CELA2B: variants seen among roughly 807,000 people sequenced by gnomAD.
CELA2B encodes chymotrypsin-like elastase family member 2B.
Under a neutral mutation model 36.5 loss-of-function variants are expected in CELA2B, and 27 were observed. That is an observed-to-expected ratio of 0.74 (90% CI 0.55 to 1.02). The LOEUF is 1.02. Among genes scored for constraint, CELA2B ranks in the 50% least tolerant of loss-of-function variants. CELA2B has a pLI of 0.00. For missense variants in CELA2B, 340 were observed against 347.8 expected (o/e 0.98, Z 0.18); for synonymous variants, 143 against 148.5 (o/e 0.96, Z 0.27).
chr1:15,483,301 T>G lies in CELA2B; in HGVS notation c.394T>G (p.Ser132Ala). Residue 132 changes from serine to alanine, a missense_variant, in exon 5 of 8, where the codon TCC (serine) becomes GCC (alanine). Coordinates refer to ENST00000375910, the MANE Select transcript of CELA2B (RefSeq NM_015849.3). ...IALLKLANPV[S>A]LTDKIQLACL... ...CCTGCTCAAACTGGCTAACCCCGTCTCCCTCACCGACAAGATCCAGCTGGC... is the reference window on the plus strand; with the variant it reads ...CCTGCTCAAACTGGCTAACCCCGTCGCCCTCACCGACAAGATCCAGCTGGC... 6.2e-7 allele frequency: 1 copy of G among 1,613,840 alleles called. No homozygotes were observed. The highest frequency in any genetic ancestry group is 1.1e-5 in the South Asian group (1 of 91,054).
rs553091551 is a variant in CELA2B, at chr1:15,482,452, C to T, written c.356+59C>T. 3 of 1,609,248 alleles carry T rather than the reference C, an allele frequency of 1.9e-6. No homozygotes were observed. In the African/African-American group the frequency reaches 4.0e-5, roughly 22 times the overall value. On this transcript the variant is annotated intron_variant, in intron 4 of 7. Coordinates refer to ENST00000375910, the MANE Select transcript of CELA2B (RefSeq NM_015849.3). ...GTTGTCAGGGAACAGATGGGGGTCT[C>T]ACAGAGGCAAAGGTCTCAACCCCAC...
At chr1:15,489,600 C>T (rs1439591663) in intron 7 of CELA2B, among the ~76,000 whole-genome samples, 2 of 152,156 alleles carry the variant, frequency 1.3e-5, no homozygotes, top group Non-Finnish European at 2.9e-5. Flanking sequence ...TAAACCCAGA[C>T]AGGTGACAAG....
chr1:15,489,392 G>A (rs1708844225), intron 7 of CELA2B, among the ~76,000 whole-genome samples: 1 of 152,230 alleles, frequency 6.6e-6, no homozygotes, highest in Admixed American at 6.6e-5. Context: ...GAGCAGTCGG[G>A]ACAGGCACAG....
intron 7 of CELA2B, among the ~76,000 whole-genome samples, chr1:15,490,639 G>A (rs1291255422): frequency 2.0e-5 from 3 of 152,088 alleles, no homozygotes; most frequent in East Asian, 1.9e-4. Context: ...AAGCCGAGAC[G>A]GGTAGATCAC....
chr1:15,484,043 C>T (rs564674316), intron 5 of CELA2B, among the ~76,000 whole-genome samples: 19 of 152,238 alleles, frequency 1.2e-4, no homozygotes, highest in Admixed American at 1.2e-3. Flanking sequence ...TAGTTGTTGT[C>T]ACTGTCCCTA....
intron 7 of CELA2B, 90 bp downstream of exon 7, chr1:15,487,527 C>T (rs1403263949): frequency 2.6e-6 from 4 of 1,516,138 alleles, no homozygotes; most frequent in Non-Finnish European, 2.7e-6. Flanking sequence ...TGAGAACCCC[C>T]TCCTTCCTCT....
chr1:15,489,850 C>G (rs1305817432), intron 7 of CELA2B, among the ~76,000 whole-genome samples: 1 of 152,128 alleles, frequency 6.6e-6, no homozygotes, highest in Non-Finnish European at 1.5e-5. Flanking sequence ...ATCTCCAATT[C>G]CACTCTCCAG....
At chr1:15,488,595 T>C (rs1708834165) in intron 7 of CELA2B, among the ~76,000 whole-genome samples, 1 of 152,182 alleles carries the variant, frequency 6.6e-6, no homozygotes, top group Admixed American at 6.5e-5. Context: ...TTTGCTCTTC[T>C]GTAAAGTGGG....
At chr1:15,487,156 A>C in intron 6 of CELA2B, 129 bp from the exon 7 acceptor site, 2 of 828,302 alleles carry the variant, frequency 2.4e-6, no homozygotes, top group Non-Finnish European at 3.9e-6. Flanking sequence ...ACCTTGAGCT[A>C]TGACCACAAG....
rs1317635053 is a variant in CELA2B at position 15,482,328 on chromosome 1, G to C, written c.291G>C (p.Ser97=). ...ACCTCTACGTTGCAGAGTCCGGCTCGCTGGCCGTCAGTGTCTCTAAGATTG... is the reference window on the plus strand; with the variant it reads ...ACCTCTACGTTGCAGAGTCCGGCTCCCTGGCCGTCAGTGTCTCTAAGATTG... The part of the protein sequence containing the change: ...QHNLYVAESG[S]LAVSVSKIVV... The change falls in exon 4 of 8, where the codon TCG becomes TCC. Residue 97 remains serine, a synonymous_variant. Coordinates refer to ENST00000375910, the MANE Select transcript of CELA2B (RefSeq NM_015849.3). The C allele has an allele frequency of 6.2e-7, 1 of 1,613,980 alleles. No individual in the cohort carries two copies. Among genetic ancestry groups the C allele is most frequent in the Non-Finnish European group, 8.5e-7 (1 of 1,180,008 alleles).
chr1:15,476,240 C>T (rs920564377), intron 1 of CELA2B, 75 bp downstream of exon 1: 43 of 1,598,000 alleles, frequency 2.7e-5, no homozygotes, highest in East Asian at 6.7e-5. Flanking sequence ...CTGTCCTCCC[C>T]TCTCGCCCCC....
intron 2 of CELA2B, among the ~76,000 whole-genome samples, chr1:15,477,824 T>C (rs564496331): frequency 3.9e-5 from 6 of 152,324 alleles, no homozygotes; most frequent in South Asian, 2.1e-4. Flanking sequence ...AATTTCACTA[T>C]TGCAAACATA....
chr1:15,477,284 A>G (rs1708684930), intron 2 of CELA2B, among the ~76,000 whole-genome samples: 1 of 152,240 alleles, frequency 6.6e-6, no homozygotes, highest in Admixed American at 6.5e-5. Context: ...ATGTTTCTTA[A>G]GTTGATATAA....
rs1491212485 is a variant in CELA2B at position 15,478,217 on chromosome 1, T to TATATATA, written c.129+1672_129+1673insATATATA. Reference sequence around the variant, plus strand: ...AGGCTGAGGCATATATATATATATATTGGGATATATAGTTTGTTTGTTTGT... The same window carrying TATATATA: ...AGGCTGAGGCATATATATATATATATATATATATGGGATATATAGTTTGTTTGTTTGT... On this transcript the variant is annotated intron_variant, in intron 2 of 7. Coordinates refer to ENST00000375910, the MANE Select transcript of CELA2B (RefSeq NM_015849.3). Among the ~76,000 whole-genome samples, 61 of 48,516 alleles carry TATATATA rather than the reference T, an allele frequency of 1.3e-3. 2 individuals carry two copies. Among genetic ancestry groups the TATATATA allele is most frequent in the African/African-American group, 4.2e-3 (55 of 13,080 alleles). The allele number at this position is 48,516 out of a possible 152,430, so 31.8% of individuals were successfully genotyped here.
At chr1:15,483,423 C>G (rs373971727) in intron 5 of CELA2B, 23 bp downstream of exon 5, 4 of 1,613,156 alleles carry the variant, frequency 2.5e-6, no homozygotes, top group Non-Finnish European at 3.4e-6. Flanking sequence ...CAGGAGCCCC[C>G]AGGCCTGGGA....
chr1:15,482,466 T>A (rs1299322438), intron 4 of CELA2B, 73 bp downstream of exon 4: 19 of 1,593,212 alleles, frequency 1.2e-5, no homozygotes, highest in Non-Finnish European at 1.5e-5. Context: ...GAGGCAAAGG[T>A]CTCAACCCCA....
intron 6 of CELA2B, 104 bp from the exon 7 acceptor site, chr1:15,487,181 G>T: frequency 2.7e-6 from 3 of 1,094,730 alleles, no homozygotes; most frequent in Non-Finnish European, 4.1e-6. Flanking sequence ...AGCTTCAGAG[G>T]ACAGTGACCT....
At chr1:15,482,424 G>A (rs753809532) in intron 4 of CELA2B, 31 bp downstream of exon 4, 3 of 1,613,412 alleles carry the variant, frequency 1.9e-6, no homozygotes, top group South Asian at 1.1e-5. Context: ...ACTTGGGGGT[G>A]AGGTTGTCAG....
Position 15,487,277 on chromosome 1 carries a change from T to C in CELA2B, c.640-8T>C. On this transcript the variant is annotated splice_polypyrimidine_tract_variant and splice_region_variant and intron_variant, in intron 6 of 7. Transcript: ENST00000375910. ...ACTTCAACTCCCTATAACTCTGGCC[T>C]TCCTCAGGGAGACTCCGGTGGGCCG... The C allele has an allele frequency of 1.2e-6, 2 of 1,613,728 alleles. No homozygotes were observed. The highest frequency in any genetic ancestry group is 1.7e-6 in the Non-Finnish European group (2 of 1,179,602).
Sources: gnomAD v4.1 joint callset for allele counts (sites outside exome capture counted in the v4.1 genomes callset) on GRCh38, gnomAD v4.1.1 for gene constraint, MANE v1.5 for transcripts, NCBI Gene and HGNC (gene_info 2026-07-23, HGNC 2026-07-21) for gene names.